GPR39: variants seen among roughly 807,000 people sequenced by gnomAD.
GPR39 encodes the protein zinc sensing receptor.
A neutral mutation model predicts 18.4 loss-of-function variants in GPR39; 23 were observed. The observed-to-expected ratio is 1.25, with a 90% confidence interval of 0.90 to 1.77. GPR39 has a LOEUF of 1.77. Among genes scored for constraint, GPR39 ranks in the 40% most tolerant of loss-of-function variants. The probability of loss-of-function intolerance (pLI) is 0.00; values close to 1 mark genes in which losing one functional copy is unlikely to be tolerated. For synonymous variants in GPR39, 280 were observed against 257.9 expected (o/e 1.09, Z -0.82); for missense variants, 647 against 602.4 (o/e 1.07, Z -0.78).
chr2:132,644,435 A>G (rs1348960401), intron 1 of GPR39, among the ~76,000 whole-genome samples: 1 of 152,218 alleles, frequency 6.6e-6, no homozygotes, highest in Non-Finnish European at 1.5e-5. Context: ...CACATGAGGG[A>G]TCTAAAAGTG....
rs147255093 is a variant in GPR39 at position 132,498,624 on chromosome 2, C to T, written c.856+80726C>T. ...ATTGCTGGATCAAACGGTTGACCTA[C>T]TTTTAGTTCTTTGAGGAATCTTCAC... On this transcript the variant is annotated intron_variant, in intron 1 of 1. Transcript: ENST00000329321. Among the ~76,000 whole-genome samples the T allele has an allele frequency of 3.0e-3, 464 of 152,250 alleles. 2 individuals carry two copies. The highest frequency in any genetic ancestry group is 9.8e-3 in the African/African-American group (408 of 41,536).
intron 1 of GPR39, among the ~76,000 whole-genome samples, chr2:132,542,373 C>T (rs1030264053): frequency 6.6e-6 from 1 of 152,212 alleles, no homozygotes; most frequent in East Asian, 1.9e-4. Context: ...CCCCACTCTA[C>T]CAGTAACTAT....
At chr2:132,575,082 C>A (rs1486638737) in intron 1 of GPR39, among the ~76,000 whole-genome samples, 1 of 151,922 alleles carries the variant, frequency 6.6e-6, no homozygotes, top group African/African-American at 2.4e-5. Flanking sequence ...TATTTGTAAT[C>A]TTCAACTTTC....
intron 1 of GPR39, among the ~76,000 whole-genome samples, chr2:132,569,038 A>C (rs1429013967): frequency 6.6e-6 from 1 of 152,092 alleles, no homozygotes; most frequent in African/African-American, 2.4e-5. Flanking sequence ...TGGTTTTATC[A>C]TCTTTACAAT....
intron 1 of GPR39, among the ~76,000 whole-genome samples, chr2:132,560,531 T>C (rs1680232692): frequency 6.6e-6 from 1 of 152,220 alleles, no homozygotes; most frequent in South Asian, 2.1e-4. Flanking sequence ...CCCGCTCTAC[T>C]GAAATGGCTC....
At chr2:132,601,544 C>T (rs1404813414) in intron 1 of GPR39, among the ~76,000 whole-genome samples, 1 of 152,012 alleles carries the variant, frequency 6.6e-6, no homozygotes, top group Non-Finnish European at 1.5e-5. Flanking sequence ...CCCACTTGTA[C>T]CACTCTTTTT....
intron 1 of GPR39, among the ~76,000 whole-genome samples, chr2:132,575,966 G>A (rs1247869868): frequency 6.6e-6 from 1 of 152,046 alleles, no homozygotes; most frequent in Admixed American, 6.6e-5. Flanking sequence ...GCCAGAAGAC[G>A]GCACTCTGTG....
At chr2:132,629,317 T>G (rs1162306638) in intron 1 of GPR39, among the ~76,000 whole-genome samples, 1 of 152,196 alleles carries the variant, frequency 6.6e-6, no homozygotes, top group Non-Finnish European at 1.5e-5. Context: ...CCTGAGCTTC[T>G]GCACGTCCAA....
In GPR39 at chr2:132,468,023, C is replaced by A. The variant is rs1333302869; in HGVS notation, c.856+50125C>A. 2.6e-5 allele frequency among the ~76,000 whole-genome samples: 4 copies of A among 152,152 alleles called. No individual in the cohort carries two copies. The East Asian group carries it at 7.7e-4, about 29-fold the overall frequency. On this transcript the variant is annotated intron_variant, in intron 1 of 1. Coordinates refer to ENST00000329321, the MANE Select transcript of GPR39 (RefSeq NM_001508.3). ...GTAATATAATTTGCATTTCTCAAAT[C>A]TCAGCTCCTGGTACCATTTTCTTAG...
chr2:132,546,186 A>G (rs998393760), intron 1 of GPR39, among the ~76,000 whole-genome samples: 1 of 152,130 alleles, frequency 6.6e-6, no homozygotes, highest in African/African-American at 2.4e-5. Flanking sequence ...AGTGTGCCTC[A>G]GAATCACTCC....
At chr2:132,499,902 G>A (rs1269514170) in intron 1 of GPR39, among the ~76,000 whole-genome samples, 1 of 152,132 alleles carries the variant, frequency 6.6e-6, no homozygotes, top group East Asian at 1.9e-4. Flanking sequence ...TTGGTGTACA[G>A]CAGAGCTACT....
At chr2:132,588,590 C>T (rs934010820) in intron 1 of GPR39, among the ~76,000 whole-genome samples, 6 of 152,078 alleles carry the variant, frequency 3.9e-5, no homozygotes, top group South Asian at 2.1e-4. Flanking sequence ...GAGAGGAGAC[C>T]GAAGACTGCT....
intron 1 of GPR39, among the ~76,000 whole-genome samples, chr2:132,591,675 A>T (rs1680847031): frequency 6.6e-6 from 1 of 152,216 alleles, no homozygotes; most frequent in Non-Finnish European, 1.5e-5. Context: ...GTGACAATTT[A>T]TGGTGGAATT....
At chr2:132,480,471 A>T (rs1681213299) in intron 1 of GPR39, among the ~76,000 whole-genome samples, 1 of 152,182 alleles carries the variant, frequency 6.6e-6, no homozygotes, top group South Asian at 2.1e-4. Context: ...CATGGTATGA[A>T]TTGTATTGGG....
At chr2:132,451,621 C>A (rs1267773177) in intron 1 of GPR39, among the ~76,000 whole-genome samples, 2 of 152,124 alleles carry the variant, frequency 1.3e-5, no homozygotes, top group African/African-American at 4.8e-5. Flanking sequence ...TCTTTTCTTT[C>A]TTTCCTTCCC....
intron 1 of GPR39, among the ~76,000 whole-genome samples, chr2:132,570,349 T>C (rs1680421045): frequency 6.6e-6 from 1 of 152,124 alleles, no homozygotes; most frequent in Admixed American, 6.5e-5. Context: ...GTCTCCACGT[T>C]CACATCCCCC....
intron 1 of GPR39, among the ~76,000 whole-genome samples, chr2:132,452,007 A>T (rs1680639896): frequency 6.6e-6 from 1 of 152,142 alleles, no homozygotes; most frequent in Non-Finnish European, 1.5e-5. Flanking sequence ...GTAAGTTCAA[A>T]TATGGTTCAT....
chr2:132,487,085 T>C (rs1295442687), intron 1 of GPR39, among the ~76,000 whole-genome samples: 1 of 152,100 alleles, frequency 6.6e-6, no homozygotes, highest in East Asian at 1.9e-4. Context: ...GGCCTGAGGA[T>C]AGGGAGAGAG....
At position 132,417,423 on chromosome 2, in the gene GPR39, G is replaced by GAC; in HGVS notation, c.384_385dup (p.Leu129HisfsTer25). The GAC allele has an allele frequency of 6.2e-7, 1 of 1,614,170 alleles. No individual in the cohort carries two copies. The highest frequency in any genetic ancestry group is 1.3e-5 in the African/African-American group (1 of 75,038). ...GCTACGCTACGCTGCTGCACGTGCT[G>GAC]ACACTCAGCTTTGAGCGCTACATCG... On this transcript the variant is annotated frameshift_variant, in exon 1 of 2. Transcript: ENST00000329321. LOFTEE classifies it high-confidence loss of function.
Sources: gnomAD v4.1 joint callset for allele counts (sites outside exome capture counted in the v4.1 genomes callset) on GRCh38, gnomAD v4.1.1 for gene constraint, MANE v1.5 for transcripts, NCBI Gene and HGNC (gene_info 2026-07-23, HGNC 2026-07-21) for gene names.